The following INPP5A variants were observed in gnomAD, a reference collection of about 807,000 sequenced individuals.
The protein encoded by INPP5A is inositol polyphosphate-5-phosphatase A.
A neutral mutation model predicts 65.2 loss-of-function variants in INPP5A; 14 were observed. The ratio of observed to expected loss-of-function variants is 0.21; its 90% CI spans 0.14 to 0.34. The LOEUF (loss-of-function observed/expected upper bound fraction) is 0.34, where lower values mean the gene tolerates loss of function less well. Among genes scored for constraint, INPP5A ranks in the 10% least tolerant of loss-of-function variants. The pLI is 1.00. For synonymous variants in INPP5A, 207 were observed against 208.3 expected (o/e 0.99, Z 0.05); for missense variants, 431 against 545.6 (o/e 0.79, Z 2.09).
chr10:132,724,158 A>G (rs1231319872), intron 8 of INPP5A, among the ~76,000 whole-genome samples: 1 of 152,228 alleles, frequency 6.6e-6, no homozygotes, highest in African/African-American at 2.4e-5. Flanking sequence ...AAAAGCATGC[A>G]GGAATTGATT....
intron 4 of INPP5A, among the ~76,000 whole-genome samples, chr10:132,672,203 CCTTT>C (rs1298148084): frequency 6.6e-6 from 1 of 152,146 alleles, no homozygotes; most frequent in Non-Finnish European, 1.5e-5. Context: ...ATTTCCTTTT[CCTTT>C]ATCATGTGAC....
At chr10:132,755,922 G>A (rs985763618) in intron 11 of INPP5A, among the ~76,000 whole-genome samples, 2 of 152,262 alleles carry the variant, frequency 1.3e-5, no homozygotes, top group East Asian at 1.9e-4. Flanking sequence ...AGACACAAAC[G>A]TTTGGCACAT....
At chr10:132,673,378 C>T (rs1318270094) in intron 4 of INPP5A, among the ~76,000 whole-genome samples, 2 of 152,146 alleles carry the variant, frequency 1.3e-5, no homozygotes, top group African/African-American at 2.4e-5. Flanking sequence ...CCTTGATTCC[C>T]GGACCCGTGA....
Position 132,637,632 on chromosome 10 carries a change from C to G in INPP5A, c.118-8236C>G, listed in dbSNP as rs2072374426. Among the ~76,000 whole-genome samples the G allele has an allele frequency of 6.6e-6, 1 of 152,132 alleles. No individual in the cohort carries two copies. The highest frequency in any genetic ancestry group is 2.4e-5 in the African/African-American group (1 of 41,412). On this transcript the variant is annotated intron_variant, in intron 2 of 15. Coordinates refer to ENST00000368594, the MANE Select transcript of INPP5A (RefSeq NM_005539.5). The surrounding 1 kb of genome is among the most constrained non-coding windows in gnomAD (Gnocchi z 4.1). ...TTGGGGTTTCCTTCCAGTGACTCTC[C>G]TGGCGCCTGCTGTGGCTGTCCTCCT...
chr10:132,580,663 A>T (rs2071471532), intron 1 of INPP5A, among the ~76,000 whole-genome samples: 1 of 152,248 alleles, frequency 6.6e-6, no homozygotes, highest in Non-Finnish European at 1.5e-5. Flanking sequence ...AGATTGTTTT[A>T]TAAAAATTTT....
At chr10:132,714,470 A>G (rs1845705105) in intron 8 of INPP5A, among the ~76,000 whole-genome samples, 1 of 152,108 alleles carries the variant, frequency 6.6e-6, no homozygotes. Flanking sequence ...GGCGTTGGGA[A>G]CCGGGCGCAC....
intron 9 of INPP5A, among the ~76,000 whole-genome samples, chr10:132,747,065 C>T (rs766631148): frequency 5.9e-5 from 9 of 152,240 alleles, no homozygotes; most frequent in East Asian, 1.9e-4. Context: ...AACAGTTTCC[C>T]GCAGATGCCT....
At chr10:132,755,360 A>G (rs935668472) in intron 11 of INPP5A, among the ~76,000 whole-genome samples, 8 of 149,376 alleles carry the variant, frequency 5.4e-5, no homozygotes, top group African/African-American at 2.0e-4. Flanking sequence ...GTGAGCAGAC[A>G]TGCATATGAG....
chr10:132,743,427 A>C (rs995049760), intron 9 of INPP5A, among the ~76,000 whole-genome samples: 22 of 147,164 alleles, frequency 1.5e-4, no homozygotes, highest in African/African-American at 5.3e-4. Flanking sequence ...GAGCCCACCC[A>C]CCAGCGCTGC....
At chr10:132,600,566 T>C (rs188447131) in intron 1 of INPP5A, among the ~76,000 whole-genome samples, 4 of 152,356 alleles carry the variant, frequency 2.6e-5, no homozygotes, top group East Asian at 1.9e-4. Context: ...CTGCCTGTTA[T>C]GCAGTTCCAA....
chr10:132,718,136 C>A (rs1412730691), intron 8 of INPP5A, among the ~76,000 whole-genome samples: 1 of 147,518 alleles, frequency 6.8e-6, no homozygotes, highest in Non-Finnish European at 1.5e-5. Context: ...TGTCTGGGCG[C>A]CTTAGACAGC....
chr10:132,721,011 C>A (rs1354792432), intron 8 of INPP5A, among the ~76,000 whole-genome samples: 1 of 148,126 alleles, frequency 6.8e-6, no homozygotes, highest in Admixed American at 6.8e-5. Context: ...CCTTAGACGA[C>A]TGTCTTCAGG....
At chr10:132,576,837 C>T (rs1463065546) in intron 1 of INPP5A, among the ~76,000 whole-genome samples, 3 of 152,176 alleles carry the variant, frequency 2.0e-5, no homozygotes, top group African/African-American at 7.2e-5. Context: ...AGGGTCGCAC[C>T]CAGACTCACA....
chr10:132,576,568 G>A (rs1465840905), intron 1 of INPP5A, among the ~76,000 whole-genome samples: 1 of 152,182 alleles, frequency 6.6e-6, no homozygotes, highest in Non-Finnish European at 1.5e-5. Context: ...CACCCTCTCT[G>A]GGGCCTAAAC....
At chr10:132,654,821 C>G (rs546486281) in intron 4 of INPP5A, among the ~76,000 whole-genome samples, 1 of 152,230 alleles carries the variant, frequency 6.6e-6, no homozygotes, top group Non-Finnish European at 1.5e-5. Flanking sequence ...CCTGAAGCTG[C>G]GCCTGGCGCG....
Position 132,660,297 on chromosome 10 carries a change from G to T in INPP5A, c.306+9792G>T, listed in dbSNP as rs571722105. On this transcript the variant is annotated intron_variant, in intron 4 of 15. Coordinates refer to ENST00000368594, the MANE Select transcript of INPP5A (RefSeq NM_005539.5). Reference sequence around the variant, plus strand: ...AGAAGTGGCAATATAAGCTTTAGAGGTATGGAGATAAATACCAAAAGAAAA... The same window carrying T: ...AGAAGTGGCAATATAAGCTTTAGAGTTATGGAGATAAATACCAAAAGAAAA... Among the ~76,000 whole-genome samples, 7 of 152,344 alleles carry T rather than the reference G, an allele frequency of 4.6e-5. No homozygotes were observed. In the East Asian group the frequency reaches 1.3e-3, roughly 29 times the overall value.
At chr10:132,543,961 T>C (rs1436339287) in intron 1 of INPP5A, among the ~76,000 whole-genome samples, 2 of 152,254 alleles carry the variant, frequency 1.3e-5, no homozygotes, top group Non-Finnish European at 2.9e-5. Context: ...TAGGCGGACA[T>C]GCGTTCTCAG....
chr10:132,643,126 T>A (rs1026352636), intron 2 of INPP5A, among the ~76,000 whole-genome samples: 22 of 152,248 alleles, frequency 1.4e-4, no homozygotes, highest in Non-Finnish European at 5.9e-5. Flanking sequence ...CCAATTAAGA[T>A]ATATTGAATA....
At chr10:132,629,035 T>C (rs1332992190) in intron 2 of INPP5A, among the ~76,000 whole-genome samples, 1 of 152,244 alleles carries the variant, frequency 6.6e-6, no homozygotes, top group African/African-American at 2.4e-5. Context: ...GCCGCACAGA[T>C]GGCAGGAGCG....
Sources: allele counts gnomAD v4.1 joint callset (sites outside exome capture counted in the v4.1 genomes callset), GRCh38; gene constraint gnomAD v4.1.1; non-coding constraint Gnocchi (gnomAD v3.1); transcripts MANE v1.5; gene names NCBI Gene and HGNC (gene_info 2026-07-23, HGNC 2026-07-21).